PREX1: variants seen among roughly 807,000 people sequenced by gnomAD.
PREX1 encodes phosphatidylinositol 3,4,5-trisphosphate-dependent Rac exchanger 1 protein.
Under a neutral mutation model 198.3 loss-of-function variants are expected in PREX1, and 41 were observed. The observed-to-expected ratio is 0.21, with a 90% CI of 0.16 to 0.27. The LOEUF (loss-of-function observed/expected upper bound fraction) is 0.27, where lower values mean the gene tolerates loss of function less well. Ranked by LOEUF, PREX1 falls within the 10% of genes least tolerant of loss-of-function variation. The pLI, the probability that PREX1 is intolerant of heterozygous loss-of-function variation, is 1.00. For synonymous variants in PREX1, 843 were observed against 887.2 expected, an observed-to-expected ratio of 0.95 and a Z score of 0.89; for missense variants, 1,620 against 2,200.7, an observed-to-expected ratio of 0.74 and a Z score of 5.28.
chr20:48,691,226 C>A lies in PREX1; in HGVS notation c.1037-130G>T. On this transcript the variant is annotated intron_variant, in intron 8 of 39. Coordinates refer to ENST00000371941, the MANE Select transcript of PREX1 (RefSeq NM_020820.4). This position sits in a 1 kb window ranked among gnomAD's most constrained non-coding sequence, Gnocchi z 5.0. ...TGGATCAGGATGGGGAGCTGGACTT[C>A]CAGCCCTTCAAACGCTCACTTCTTA... 16 of 1,169,502 alleles carry A rather than the reference C, an allele frequency of 1.4e-5. No individual in the cohort carries two copies. The highest frequency in any genetic ancestry group is 2.0e-5 in the Non-Finnish European group (16 of 810,018). 72.4% of individuals were successfully genotyped at this position (1,169,502 alleles called of 1,614,324 possible).
chr20:48,655,428 C>T, intron 18 of PREX1, 53 bp from the exon 19 acceptor site: 4 of 1,384,252 alleles, frequency 2.9e-6, no homozygotes, highest in East Asian at 2.6e-5. Flanking sequence ...ACCAGCATCA[C>T]TCTCAATAAC....
intron 1 of PREX1, among the ~76,000 whole-genome samples, chr20:48,778,057 G>A (rs890006671): frequency 6.6e-6 from 1 of 152,154 alleles, no homozygotes; most frequent in Non-Finnish European, 1.5e-5. Context: ...CATCTAAAGG[G>A]TAAGCTGTGA....
chr20:48,816,296 C>A (rs1447342799), intron 1 of PREX1, among the ~76,000 whole-genome samples: 1 of 152,202 alleles, frequency 6.6e-6, no homozygotes, highest in African/African-American at 2.4e-5. Context: ...AAACCCACCA[C>A]TGACCATTGT....
intron 35 of PREX1, among the ~76,000 whole-genome samples, 153 bp from the exon 36 acceptor site, chr20:48,630,947 G>A (rs774266407): frequency 1.3e-4 from 19 of 151,788 alleles, no homozygotes; most frequent in Non-Finnish European, 2.2e-4. Flanking sequence ...GTGCTCACCC[G>A]CAGGCACCTG....
intron 25 of PREX1, among the ~76,000 whole-genome samples, chr20:48,648,829 T>C (rs1230451789): frequency 6.6e-6 from 1 of 152,214 alleles, no homozygotes; most frequent in Non-Finnish European, 1.5e-5. Context: ...TAAGGAGACC[T>C]TGAACCTTCA....
chr20:48,721,951 T>C (rs2089988222), intron 5 of PREX1, among the ~76,000 whole-genome samples: 1 of 148,200 alleles, frequency 6.7e-6, no homozygotes, highest in African/African-American at 2.5e-5. Context: ...GGCTGTCTGC[T>C]GAGCTGGGGA....
chr20:48,833,751 T>A, the PREX1 span, among the ~76,000 whole-genome samples: 2 of 152,156 alleles, frequency 1.3e-5, no homozygotes, highest in African/African-American at 4.8e-5. Context: ...GACCCTATCC[T>A]TTCAAATAAG....
the PREX1 span, among the ~76,000 whole-genome samples, chr20:48,880,826 G>A: frequency 3.3e-5 from 5 of 151,820 alleles, no homozygotes; most frequent in Non-Finnish European, 5.9e-5. Context: ...GAAATAAAGC[G>A]AGACATTTAG....
intron 3 of PREX1, among the ~76,000 whole-genome samples, chr20:48,741,637 A>G (rs2090082509): frequency 6.6e-6 from 1 of 152,324 alleles, no homozygotes; most frequent in African/African-American, 2.4e-5. Context: ...AAGGGGCAAA[A>G]GATCCGATGT....
the PREX1 span, among the ~76,000 whole-genome samples, chr20:48,885,188 C>T: frequency 4.7e-4 from 71 of 152,322 alleles, no homozygotes; most frequent in South Asian, 8.9e-3. Context: ...ATCATCATCA[C>T]TATAGGTCAT....
chr20:48,838,878 T>C, the PREX1 span, among the ~76,000 whole-genome samples: 1 of 150,684 alleles, frequency 6.6e-6, no homozygotes, highest in Non-Finnish European at 1.5e-5. Flanking sequence ...ATACAAAAAT[T>C]AGCCGGGTGT....
intron 39 of PREX1, among the ~76,000 whole-genome samples, chr20:48,626,673 C>T (rs939498993): frequency 6.6e-6 from 1 of 152,228 alleles, no homozygotes; most frequent in African/African-American, 2.4e-5. Context: ...GCCCCCAGCG[C>T]CACAGCACGC....
intron 1 of PREX1, among the ~76,000 whole-genome samples, chr20:48,752,411 G>A (rs972375765): frequency 1.3e-5 from 2 of 152,188 alleles, no homozygotes; most frequent in Non-Finnish European, 2.9e-5. Context: ...TATGTACACT[G>A]GGCAACATCT....
chr20:48,739,590 T>C (rs1421677252), intron 3 of PREX1, among the ~76,000 whole-genome samples: 1 of 152,218 alleles, frequency 6.6e-6, no homozygotes, highest in Non-Finnish European at 1.5e-5. Flanking sequence ...AATGACCTCA[T>C]TTGTTAAATT....
intron 14 of PREX1, among the ~76,000 whole-genome samples, chr20:48,672,626 G>A (rs893403824): frequency 2.6e-5 from 4 of 152,198 alleles, no homozygotes; most frequent in African/African-American, 9.7e-5. Context: ...AGCCACCCTG[G>A]CCCCCTCTCT....
intron 1 of PREX1, among the ~76,000 whole-genome samples, chr20:48,783,205 T>C (rs2090297615): frequency 6.6e-6 from 1 of 152,060 alleles, no homozygotes; most frequent in Non-Finnish European, 1.5e-5. Flanking sequence ...AGAGGAAATG[T>C]CTGTTAGATG....
chr20:48,718,972 A>T (rs1017706995), intron 5 of PREX1, among the ~76,000 whole-genome samples: 2 of 152,260 alleles, frequency 1.3e-5, no homozygotes, highest in Non-Finnish European at 2.9e-5. Context: ...TGAGTCACCA[A>T]CATTTAACAA....
intron 1 of PREX1, among the ~76,000 whole-genome samples, chr20:48,777,914 C>T (rs955844531): frequency 3.3e-5 from 5 of 151,984 alleles, no homozygotes; most frequent in Non-Finnish European, 7.4e-5. Context: ...CAGAGGTGCC[C>T]AAGACGTCTA....
At chr20:48,844,860 A>G in the PREX1 span, among the ~76,000 whole-genome samples, 2 of 152,202 alleles carry the variant, frequency 1.3e-5, no homozygotes, top group African/African-American at 4.8e-5. Context: ...TACTGCTTGT[A>G]TGGTAAAACT....
Sources: gnomAD v4.1 joint callset for allele counts (sites outside exome capture counted in the v4.1 genomes callset) on GRCh38, gnomAD v4.1.1 for gene constraint, Gnocchi (gnomAD v3.1) non-coding constraint, MANE v1.5 for transcripts, NCBI Gene and HGNC (gene_info 2026-07-23, HGNC 2026-07-21) for gene names.